FHIT: variants seen among roughly 807,000 people sequenced by gnomAD.
FHIT encodes bis(5'-adenosyl)-triphosphatase.
In FHIT, 19 loss-of-function variants were observed where a neutral mutation model predicts 17.9. The observed-to-expected ratio is 1.06, with a 90% CI of 0.74 to 1.56. FHIT has a LOEUF of 1.56. Ranked by LOEUF, FHIT falls within the 40% of genes most tolerant of loss-of-function variation. FHIT has a pLI of 0.00. For missense variants in FHIT, 248 were observed against 189.2 expected, an observed-to-expected ratio of 1.31 and a Z score of -1.82; for synonymous variants, 81 against 69.7, an observed-to-expected ratio of 1.16 and a Z score of -0.81.
chr3:61,203,419 T>A (rs1235927568), intron 1 of FHIT, among the ~76,000 whole-genome samples: 3 of 151,148 alleles, frequency 2.0e-5, no homozygotes, highest in Non-Finnish European at 4.4e-5. Flanking sequence ...GAACAATAGA[T>A]AAATCAGAAC....
chr3:60,687,785 A>G (rs2040891553), intron 4 of FHIT, among the ~76,000 whole-genome samples: 2 of 152,022 alleles, frequency 1.3e-5, no homozygotes, highest in African/African-American at 2.4e-5. Context: ...ACTTCCATCA[A>G]TTTTTCCTTA....
At chr3:61,081,464 A>G (rs139875117) in intron 2 of FHIT, among the ~76,000 whole-genome samples, 38 of 152,332 alleles carry the variant, frequency 2.5e-4, no homozygotes, top group Middle Eastern at 6.8e-3. Flanking sequence ...TCTTTGATGC[A>G]TTATGTTCTA....
intron 2 of FHIT, among the ~76,000 whole-genome samples, chr3:61,138,186 A>G (rs1246420369): frequency 6.6e-6 from 1 of 152,224 alleles, no homozygotes; most frequent in Non-Finnish European, 1.5e-5. Flanking sequence ...TACCTAGTCT[A>G]TCTACAAATA....
intron 1 of FHIT, among the ~76,000 whole-genome samples, chr3:61,242,933 G>A (rs1560106566): frequency 6.6e-6 from 1 of 152,156 alleles, no homozygotes; most frequent in Non-Finnish European, 1.5e-5. Flanking sequence ...GGAGCAACTG[G>A]GGAGGTTTAG....
intron 5 of FHIT, among the ~76,000 whole-genome samples, chr3:60,343,247 C>G (rs954970466): frequency 3.3e-5 from 5 of 152,080 alleles, no homozygotes; most frequent in African/African-American, 1.2e-4. Context: ...TACTGAGATT[C>G]TGAAAGCTGC....
intron 5 of FHIT, among the ~76,000 whole-genome samples, chr3:60,430,118 C>T (rs777731131): frequency 5.9e-5 from 9 of 152,008 alleles, no homozygotes; most frequent in South Asian, 2.1e-4. Context: ...GGGGCAGAGC[C>T]GTCTTCTGAC....
intron 4 of FHIT, among the ~76,000 whole-genome samples, chr3:60,769,476 T>C (rs1699968275): frequency 6.6e-6 from 1 of 152,074 alleles, no homozygotes; most frequent in South Asian, 2.1e-4. Flanking sequence ...ATAGATATGA[T>C]AAAAGAAAAA....
intron 8 of FHIT, among the ~76,000 whole-genome samples, chr3:59,808,490 A>C (rs1365578262): frequency 6.6e-6 from 1 of 152,184 alleles, no homozygotes; most frequent in Non-Finnish European, 1.5e-5. Flanking sequence ...CCCTACGGTA[A>C]AACTCAGGTC....
chr3:60,673,269 G>A (rs73099215), intron 4 of FHIT, among the ~76,000 whole-genome samples: 2,983 of 152,070 alleles, frequency 0.02, 51 homozygotes, highest in Non-Finnish European at 0.032. Context: ...CTTATAATGC[G>A]GGTTGACTAG....
intron 8 of FHIT, among the ~76,000 whole-genome samples, chr3:59,844,427 G>GT (rs1354168473): frequency 6.6e-6 from 1 of 151,986 alleles, no homozygotes; most frequent in African/African-American, 2.4e-5. Context: ...TTCAATGTGG[G>GT]TTTTTTATAT....
At chr3:60,782,636 T>C (rs1465877974) in intron 4 of FHIT, among the ~76,000 whole-genome samples, 1 of 152,108 alleles carries the variant, frequency 6.6e-6, no homozygotes, top group Non-Finnish European at 1.5e-5. Context: ...GCCACACTTT[T>C]CCCCTGTGGG....
chr3:60,328,791 G>A (rs1709825294), intron 5 of FHIT, among the ~76,000 whole-genome samples: 1 of 152,170 alleles, frequency 6.6e-6, no homozygotes, highest in Non-Finnish European at 1.5e-5. Context: ...GATTAATGCT[G>A]TGGTCTTTAC....
intron 3 of FHIT, among the ~76,000 whole-genome samples, chr3:60,962,359 A>G (rs1021016814): frequency 1.3e-5 from 2 of 152,238 alleles, no homozygotes; most frequent in African/African-American, 4.8e-5. Context: ...CTAAATGTAC[A>G]GTCATGTCAT....
chr3:60,638,351 T>C (rs75087524), intron 4 of FHIT, among the ~76,000 whole-genome samples: 5 of 152,174 alleles, frequency 3.3e-5, no homozygotes, highest in East Asian at 1.9e-4. Context: ...CCACCATTCA[T>C]AGCTGCAAAA....
intron 3 of FHIT, among the ~76,000 whole-genome samples, chr3:60,853,343 T>C (rs1261012434): frequency 6.6e-6 from 1 of 152,160 alleles, no homozygotes; most frequent in Non-Finnish European, 1.5e-5. Context: ...TGTATTGCTT[T>C]TTAAATAGAC....
At chr3:60,817,636 C>T (rs577352292) in intron 4 of FHIT, among the ~76,000 whole-genome samples, 2 of 151,980 alleles carry the variant, frequency 1.3e-5, no homozygotes, top group South Asian at 2.1e-4. Flanking sequence ...CCAAAGATAC[C>T]GTGCCATTTT....
At chr3:60,765,209 T>C (rs1230219095) in intron 4 of FHIT, among the ~76,000 whole-genome samples, 2 of 152,196 alleles carry the variant, frequency 1.3e-5, no homozygotes, top group East Asian at 1.9e-4. Context: ...CTAAAAGCTA[T>C]ACCTTCTAGA....
At chr3:59,893,046 A>G (rs536950827) in intron 8 of FHIT, among the ~76,000 whole-genome samples, 1 of 152,298 alleles carries the variant, frequency 6.6e-6, no homozygotes, top group South Asian at 2.1e-4. Flanking sequence ...TATCTAAAAA[A>G]CTCATAAATA....
At chr3:60,425,387 A>T (rs1014287396) in intron 5 of FHIT, among the ~76,000 whole-genome samples, 2 of 152,118 alleles carry the variant, frequency 1.3e-5, no homozygotes, top group Non-Finnish European at 2.9e-5. Flanking sequence ...AGTAAATTCT[A>T]CTCAACTCCA....
Sources: allele counts gnomAD v4.1 joint callset (sites outside exome capture counted in the v4.1 genomes callset), GRCh38; gene constraint gnomAD v4.1.1; transcripts MANE v1.5; gene names NCBI Gene and HGNC (gene_info 2026-07-23, HGNC 2026-07-21).